The following C1orf185 variants were observed in gnomAD, a reference collection of about 807,000 sequenced individuals.
C1orf185 encodes the protein chromosome 1 open reading frame 185.
A neutral mutation model predicts 16.1 loss-of-function variants in C1orf185; 13 were observed. The ratio of observed to expected loss-of-function variants is 0.81; its 90% CI spans 0.53 to 1.28. The LOEUF (loss-of-function observed/expected upper bound fraction) is 1.28. Ranked by LOEUF, C1orf185 falls within the 50% of genes most tolerant of loss-of-function variation. The pLI is 0.00. For synonymous variants in C1orf185, 80 were observed against 76.9 expected (o/e 1.04, Z -0.21); for missense variants, 220 against 225.2 (o/e 0.98, Z 0.15).
chr1:51,148,328 G>A (rs1032854140), downstream of C1orf185, among the ~76,000 whole-genome samples: 1 of 152,056 alleles, frequency 6.6e-6, no homozygotes, highest in Non-Finnish European at 1.5e-5. Context: ...TCACCATGTT[G>A]GCCAGGCTAG....
chr1:51,126,792 A>C (rs779770629), intron 3 of C1orf185, among the ~76,000 whole-genome samples: 1 of 152,230 alleles, frequency 6.6e-6, no homozygotes, highest in Non-Finnish European at 1.5e-5. Flanking sequence ...GATGTTATTT[A>C]GATTTCGCCA....
At chr1:51,102,441 C>T in intron 1 of C1orf185, 192 bp downstream of exon 1, 1 of 415,626 alleles carries the variant, frequency 2.4e-6, no homozygotes, top group Non-Finnish European at 4.3e-6. Flanking sequence ...AATTTTGTAA[C>T]TACTGATTCA....
chr1:51,114,769 T>C (rs1646146033), intron 2 of C1orf185, among the ~76,000 whole-genome samples: 1 of 152,200 alleles, frequency 6.6e-6, no homozygotes, highest in Non-Finnish European at 1.5e-5. Context: ...ATTTACATTT[T>C]AATAACTGTT....
chr1:51,133,054 G>A (rs1157247784), intron 3 of C1orf185, among the ~76,000 whole-genome samples: 3 of 152,132 alleles, frequency 2.0e-5, no homozygotes. Context: ...AAGAGCTCCT[G>A]GAGGAAGCAC....
At chr1:51,120,426 T>A (rs946965820) in intron 3 of C1orf185, among the ~76,000 whole-genome samples, 1 of 152,162 alleles carries the variant, frequency 6.6e-6, no homozygotes, top group Non-Finnish European at 1.5e-5. Context: ...TTCACCTCCG[T>A]AGAGTTGTTG....
At chr1:51,141,949 A>G (rs923011177) in intron 3 of C1orf185, among the ~76,000 whole-genome samples, 3 of 152,160 alleles carry the variant, frequency 2.0e-5, no homozygotes, top group African/African-American at 7.2e-5. Flanking sequence ...TTGTATTTTT[A>G]GTAGAGACAG....
chr1:51,135,829 A>G (rs1216020931), intron 3 of C1orf185, among the ~76,000 whole-genome samples: 1 of 152,200 alleles, frequency 6.6e-6, no homozygotes, highest in East Asian at 1.9e-4. Context: ...AGAAAAAGAA[A>G]TAAAGAGCAT....
intron 1 of C1orf185, among the ~76,000 whole-genome samples, chr1:51,106,835 G>A (rs1196840461): frequency 6.7e-6 from 1 of 148,598 alleles, no homozygotes; most frequent in African/African-American, 2.5e-5. Context: ...TCAGCTCACT[G>A]CAACCTCCAA....
At chr1:51,131,778 A>T (rs1646287471) in intron 3 of C1orf185, among the ~76,000 whole-genome samples, 1 of 152,230 alleles carries the variant, frequency 6.6e-6, no homozygotes, top group Non-Finnish European at 1.5e-5. Context: ...GGCCAGTAGA[A>T]ATAGTCGTTT....
intron 2 of C1orf185, among the ~76,000 whole-genome samples, chr1:51,114,986 A>G (rs1424193355): frequency 6.6e-6 from 1 of 152,162 alleles, no homozygotes; most frequent in Non-Finnish European, 1.5e-5. Context: ...TTCTATCACC[A>G]CAGATTAATT....
chr1:51,105,955 C>T (rs1646067586), intron 1 of C1orf185, among the ~76,000 whole-genome samples: 1 of 152,094 alleles, frequency 6.6e-6, no homozygotes, highest in Admixed American at 6.5e-5. Flanking sequence ...GTTTTGGAAA[C>T]TTTCATGTTC....
rs1025044402 is a variant in C1orf185 at position 51,128,569 on chromosome 1, T to C, written c.258+9768T>C. Among the ~76,000 whole-genome samples, 5 of 152,180 alleles carry C rather than the reference T, an allele frequency of 3.3e-5. No homozygotes were observed. In the South Asian group the frequency reaches 1.0e-3, roughly 32 times the overall value. On this transcript the variant is annotated intron_variant, in intron 3 of 4. Transcript: ENST00000371759. ...TTAGCCAGGTGTGGTGGTGCTTGCCTGTAATCCCAGCTTGTCAGGAGGCTG... is the reference window on the plus strand; with the variant it reads ...TTAGCCAGGTGTGGTGGTGCTTGCCCGTAATCCCAGCTTGTCAGGAGGCTG...
At chr1:51,146,646 A>G (rs1646402935) in intron 4 of C1orf185, among the ~76,000 whole-genome samples, 1 of 152,188 alleles carries the variant, frequency 6.6e-6, no homozygotes, top group African/African-American at 2.4e-5. Flanking sequence ...AGCATGAGAC[A>G]AACTAATGAA....
intron 2 of C1orf185, among the ~76,000 whole-genome samples, chr1:51,115,969 T>C (rs1291811517): frequency 6.6e-6 from 1 of 152,214 alleles, no homozygotes; most frequent in Non-Finnish European, 1.5e-5. Flanking sequence ...TATACTTTAC[T>C]CAGCTCAGTT....
At chr1:51,140,421 G>A (rs938012853) in intron 3 of C1orf185, among the ~76,000 whole-genome samples, 1 of 152,130 alleles carries the variant, frequency 6.6e-6, no homozygotes, top group Non-Finnish European at 1.5e-5. Context: ...AATAATACTA[G>A]CAGTCTAATC....
intron 1 of C1orf185, among the ~76,000 whole-genome samples, chr1:51,110,590 A>T (rs1646108857): frequency 6.6e-6 from 1 of 152,202 alleles, no homozygotes; most frequent in Non-Finnish European, 1.5e-5. Context: ...AAAGATCTTC[A>T]ATTAGTTTTA....
At chr1:51,118,139 T>C (rs1646170702) in intron 2 of C1orf185, among the ~76,000 whole-genome samples, 2 of 152,164 alleles carry the variant, frequency 1.3e-5, no homozygotes, top group African/African-American at 4.8e-5. Context: ...AAGCTGATCT[T>C]GAACTCCTGA....
At chr1:51,137,179 G>A (rs1342263464) in intron 3 of C1orf185, among the ~76,000 whole-genome samples, 1 of 152,160 alleles carries the variant, frequency 6.6e-6, no homozygotes, top group Non-Finnish European at 1.5e-5. Context: ...CACTGATCAT[G>A]AGAGAAATGC....
At chr1:51,144,745 TA>T (rs1362713477) in intron 3 of C1orf185, among the ~76,000 whole-genome samples, 1 of 152,004 alleles carries the variant, frequency 6.6e-6, no homozygotes. Context: ...ACAAAATGAA[TA>T]AAAGTATCCT....
Sources: gnomAD v4.1 joint callset for allele counts (sites outside exome capture counted in the v4.1 genomes callset) on GRCh38, gnomAD v4.1.1 for gene constraint, MANE v1.5 for transcripts, NCBI Gene and HGNC (gene_info 2026-07-23, HGNC 2026-07-21) for gene names.